HS3ST4: variants seen among roughly 807,000 people sequenced by gnomAD.
HS3ST4 encodes heparan sulfate glucosamine 3-O-sulfotransferase 4.
A neutral mutation model predicts 29.2 loss-of-function variants in HS3ST4; 17 were observed. That is an observed-to-expected ratio of 0.58 (90% confidence interval 0.40 to 0.87). The LOEUF (loss-of-function observed/expected upper bound fraction) is 0.87. HS3ST4 is among the 40% of genes least tolerant of loss of function. The probability of loss-of-function intolerance (pLI) is 0.00; values close to 1 mark genes in which losing one functional copy is unlikely to be tolerated. For synonymous variants in HS3ST4, 314 were observed against 285.7 expected, an observed-to-expected ratio of 1.10 and a Z score of -1.00; for missense variants, 627 against 634.5, an observed-to-expected ratio of 0.99 and a Z score of 0.13.
chr16:25,984,188 A>G (rs992875552), intron 1 of HS3ST4, among the ~76,000 whole-genome samples: 1 of 152,076 alleles, frequency 6.6e-6, no homozygotes, highest in Admixed American at 6.5e-5. Context: ...ATCTCACTAT[A>G]ATTTTGTATC....
intron 1 of HS3ST4, among the ~76,000 whole-genome samples, chr16:25,956,150 G>A (rs1230829717): frequency 6.6e-6 from 1 of 152,142 alleles, no homozygotes; most frequent in Non-Finnish European, 1.5e-5. Flanking sequence ...AGAGAAAAGA[G>A]TGACTAAATT....
Position 25,829,397 on chromosome 16 carries a change from C to G in HS3ST4, c.734+136246C>G, listed in dbSNP as rs1037991725. ...AGAAGCCAAGAGTATTTAAAATACA[C>G]TATTTCATTTTTATTTTTTAATTTT... On this transcript the variant is annotated intron_variant, in intron 1 of 1. Transcript: ENST00000331351. Among the ~76,000 whole-genome samples the G allele has an allele frequency of 2.6e-5, 4 of 152,334 alleles. No homozygotes were observed. In the South Asian group the frequency reaches 6.2e-4, roughly 24 times the overall value.
intron 1 of HS3ST4, among the ~76,000 whole-genome samples, chr16:25,812,089 C>T (rs1967047911): frequency 6.6e-6 from 1 of 152,216 alleles, no homozygotes; most frequent in African/African-American, 2.4e-5. Context: ...AGGTTGATCC[C>T]ATCAGATTTT....
At chr16:25,745,719 T>A (rs1173960862) in intron 1 of HS3ST4, among the ~76,000 whole-genome samples, 1 of 152,186 alleles carries the variant, frequency 6.6e-6, no homozygotes, top group Non-Finnish European at 1.5e-5. Context: ...TGTATGTCAG[T>A]TTGTGTTTAT....
At chr16:25,886,315 G>A (rs910220253) in intron 1 of HS3ST4, among the ~76,000 whole-genome samples, 1 of 152,112 alleles carries the variant, frequency 6.6e-6, no homozygotes, top group Non-Finnish European at 1.5e-5. Flanking sequence ...TTAGAGTAGT[G>A]AGCCACCATG....
At chr16:25,807,794 A>C (rs372796971) in intron 1 of HS3ST4, among the ~76,000 whole-genome samples, 4 of 152,186 alleles carry the variant, frequency 2.6e-5, no homozygotes, top group South Asian at 4.1e-4. Context: ...GGTTCTCTGC[A>C]GTCTTGCCAG....
At position 26,135,866 on chromosome 16, in the gene HS3ST4, C is replaced by T. The variant is rs1198822490; in HGVS notation, c.989C>T (p.Ala330Val). 2 of 1,613,852 alleles carry T rather than the reference C, an allele frequency of 1.2e-6. No individual in the cohort carries two copies. The highest frequency in any genetic ancestry group is 2.2e-5 in the East Asian group (1 of 44,884). Residue 330 changes from alanine to valine, a missense_variant, in exon 2 of 2, where the codon GCC becomes GTC. Coordinates refer to ENST00000331351, the MANE Select transcript of HS3ST4 (RefSeq NM_006040.3). ...GGGCTGATCGATGCTTCCTGGAGTG[C>T]CATTCGAATAGGGATCTATGCGCTG... ...TLGLIDASWS[A>V]IRIGIYALHL...
intron 1 of HS3ST4, among the ~76,000 whole-genome samples, chr16:25,817,996 CCTTGT>C (rs1174388660): frequency 5.3e-5 from 8 of 152,178 alleles, no homozygotes; most frequent in Non-Finnish European, 1.2e-4. Flanking sequence ...GTCATAAAAT[CCTTGT>C]CTTGACACCA....
intron 1 of HS3ST4, among the ~76,000 whole-genome samples, chr16:26,051,908 CCCTCCCTTCCTT>C (rs1269746001): frequency 0.012 from 1,460 of 125,448 alleles, 29 homozygotes; most frequent in African/African-American, 0.043. Flanking sequence ...CTCCCTCCCT[CCCTCCCTTCCTT>C]CCTTCCTTCC....
At chr16:25,786,009 G>A (rs984169862) in intron 1 of HS3ST4, among the ~76,000 whole-genome samples, 3 of 152,190 alleles carry the variant, frequency 2.0e-5, no homozygotes, top group African/African-American at 7.2e-5. Flanking sequence ...TGAAGACGTA[G>A]AATCAACAGG....
chr16:25,769,925 C>T (rs1351172812), intron 1 of HS3ST4, among the ~76,000 whole-genome samples: 4 of 152,170 alleles, frequency 2.6e-5, no homozygotes, highest in East Asian at 1.9e-4. Flanking sequence ...ATCCTTCCTC[C>T]TTAGATGTCT....
intron 1 of HS3ST4, among the ~76,000 whole-genome samples, chr16:25,719,167 C>T (rs1421031091): frequency 2.0e-5 from 3 of 152,176 alleles, no homozygotes; most frequent in African/African-American, 7.2e-5. Flanking sequence ...AAAGATATCT[C>T]TAAAGGTCCA....
intron 1 of HS3ST4, among the ~76,000 whole-genome samples, chr16:25,820,596 T>G (rs563427274): frequency 2.8e-3 from 425 of 151,858 alleles, no homozygotes; most frequent in African/African-American, 9.6e-3. Flanking sequence ...TGTTGTTGTT[T>G]ATTTTTATTT....
chr16:25,874,980 CACAT>C (rs1967814603), intron 1 of HS3ST4, among the ~76,000 whole-genome samples: 1 of 152,162 alleles, frequency 6.6e-6, no homozygotes, highest in Non-Finnish European at 1.5e-5. Flanking sequence ...CAATTGCACA[CACAT>C]ACCTACACAC....
chr16:25,784,738 G>A (rs1206371661), intron 1 of HS3ST4, among the ~76,000 whole-genome samples: 1 of 152,196 alleles, frequency 6.6e-6, no homozygotes, highest in Non-Finnish European at 1.5e-5. Context: ...AAAATGCGAG[G>A]TAAAGCAGCA....
intron 1 of HS3ST4, among the ~76,000 whole-genome samples, chr16:26,038,099 T>A (rs957499201): frequency 1.3e-5 from 2 of 152,056 alleles, no homozygotes; most frequent in African/African-American, 4.8e-5. Flanking sequence ...CTCTTGCCAC[T>A]CTCCTGTGGC....
At chr16:25,764,528 G>A (rs1381269953) in intron 1 of HS3ST4, among the ~76,000 whole-genome samples, 1 of 152,180 alleles carries the variant, frequency 6.6e-6, no homozygotes. Context: ...TTCCCCAAAA[G>A]GCAATGCTAT....
intron 1 of HS3ST4, among the ~76,000 whole-genome samples, chr16:25,926,417 C>G (rs1483952470): frequency 6.6e-6 from 1 of 152,242 alleles, no homozygotes; most frequent in Non-Finnish European, 1.5e-5. Flanking sequence ...CCAAGACCAC[C>G]TTGTTACTGT....
At chr16:25,845,627 A>G (rs565529310) in intron 1 of HS3ST4, among the ~76,000 whole-genome samples, 10 of 146,026 alleles carry the variant, frequency 6.8e-5, no homozygotes, top group Admixed American at 2.9e-4. Flanking sequence ...GATTGTGCCA[A>G]GGAATCCAAG....
Sources: gnomAD v4.1 joint callset for allele counts (sites outside exome capture counted in the v4.1 genomes callset) on GRCh38, gnomAD v4.1.1 for gene constraint, MANE v1.5 for transcripts, NCBI Gene and HGNC (gene_info 2026-07-23, HGNC 2026-07-21) for gene names.